Variants in TMEM131L observed in about 807,000 individuals in gnomAD.
TMEM131L encodes the protein transmembrane 131 like, also known as transmembrane protein 131-like.
A neutral mutation model predicts 192.2 loss-of-function variants in TMEM131L; 54 were observed. The observed-to-expected ratio is 0.28, with a 90% confidence interval of 0.23 to 0.35. The LOEUF (loss-of-function observed/expected upper bound fraction) is 0.35. Among genes scored for constraint, TMEM131L ranks in the 10% least tolerant of loss-of-function variants. The pLI is 1.00. For missense variants in TMEM131L, 1,888 were observed against 1,972.9 expected (o/e 0.96, Z 0.82); for synonymous variants, 701 against 704.9 (o/e 0.99, Z 0.09).
intron 20 of TMEM131L, among the ~76,000 whole-genome samples, chr4:153,598,007 C>T (rs1163126098): frequency 6.6e-6 from 1 of 151,932 alleles, no homozygotes; most frequent in Non-Finnish European, 1.5e-5. Context: ...AATGAAAAGA[C>T]ACATGCTAGT....
intron 4 of TMEM131L, among the ~76,000 whole-genome samples, chr4:153,550,432 T>C (rs1248463305): frequency 2.0e-5 from 3 of 152,230 alleles, no homozygotes; most frequent in Non-Finnish European, 2.9e-5. Flanking sequence ...GTTTACGCCA[T>C]TCTCCTACCT....
intron 30 of TMEM131L, 44 bp downstream of exon 30, chr4:153,626,269 T>C (rs1401975042): frequency 1.4e-5 from 17 of 1,187,570 alleles, no homozygotes; most frequent in East Asian, 7.0e-5. Context: ...TTTTGTGTAC[T>C]GCTTTTTCTA....
intron 3 of TMEM131L, among the ~76,000 whole-genome samples, chr4:153,479,505 C>T (rs1003114514): frequency 2.0e-5 from 3 of 152,144 alleles, no homozygotes; most frequent in African/African-American, 4.8e-5. Context: ...ATATCTCTCT[C>T]TGGTAAGCCT....
In TMEM131L at chr4:153,604,187, AAC is replaced by A; in HGVS notation, c.3180_3181del (p.Leu1061GlufsTer8). ...CAAAAACTTACTGAATAAAGAAGAA[AAC>A]ACACTGAAAAACACAATTGTTTTCA... ...LPKNLLNKEE[N>X]TLKNTIVFSN... On this transcript the variant is annotated frameshift_variant, in exon 25 of 35. Transcript: ENST00000409959. LOFTEE classifies it high-confidence loss of function. 6.2e-7 allele frequency: 1 copy of A among 1,614,204 alleles called. No individual in the cohort carries two copies. Among genetic ancestry groups the A allele is most frequent in the Non-Finnish European group, 8.5e-7 (1 of 1,180,030 alleles).
intron 3 of TMEM131L, among the ~76,000 whole-genome samples, chr4:153,480,739 T>G (rs1731882997): frequency 6.6e-6 from 1 of 152,186 alleles, no homozygotes; most frequent in Non-Finnish European, 1.5e-5. Context: ...GTTGCTCTGT[T>G]GGCTTTTTAT....
intron 2 of TMEM131L, among the ~76,000 whole-genome samples, chr4:153,470,195 G>T (rs189485188): frequency 6.6e-6 from 1 of 152,140 alleles, no homozygotes; most frequent in Admixed American, 6.5e-5. Flanking sequence ...TCACCTGTTT[G>T]TCCTGTTTTC....
In TMEM131L at chr4:153,623,248, C is replaced by T. The variant is rs116761452; in HGVS notation, c.4045+165C>T. ...TACTCACTTTCTTTTTCTTTCCTCC[C>T]TCCCCCTTCCCCTCCATCCTTGTCA... On this transcript the variant is annotated intron_variant, in intron 29 of 34. Coordinates refer to ENST00000409959, the MANE Select transcript of TMEM131L (RefSeq NM_001131007.2). 7.1e-3 allele frequency among the ~76,000 whole-genome samples: 1,082 copies of T among 152,266 alleles called. 8 individuals are homozygous for T. The highest frequency in any genetic ancestry group is 0.025 in the African/African-American group (1,028 of 41,532).
chr4:153,489,433 C>T (rs556734954), intron 3 of TMEM131L, among the ~76,000 whole-genome samples: 3 of 152,256 alleles, frequency 2.0e-5, no homozygotes, highest in Admixed American at 1.3e-4. Flanking sequence ...TGTAGGAGCA[C>T]GTCCAAGGAA....
intron 9 of TMEM131L, among the ~76,000 whole-genome samples, chr4:153,582,430 G>GTTTTTTTTTTTTTTTTTTTTTTTTTTT (rs1561212531): frequency 2.6e-5 from 1 of 38,534 alleles, no homozygotes. Context: ...GTTTTTTTTT[G>GTTTTTTTTTTTTTTTTTTTTTTTTTTT]TTGTTTTTTT....
chr4:153,532,474 C>A (rs998399236), intron 3 of TMEM131L, among the ~76,000 whole-genome samples: 2 of 150,968 alleles, frequency 1.3e-5, no homozygotes, highest in African/African-American at 4.9e-5. Flanking sequence ...TATTGAGATA[C>A]AATTCACATG....
At chr4:153,484,156 T>TA (rs1231509259) in intron 3 of TMEM131L, among the ~76,000 whole-genome samples, 7 of 152,168 alleles carry the variant, frequency 4.6e-5, no homozygotes, top group Admixed American at 2.6e-4. Flanking sequence ...ACCAGAGTAT[T>TA]AGTTTGTTGT....
intron 2 of TMEM131L, 138 bp from the exon 3 acceptor site, chr4:153,473,707 G>A (rs555479578): frequency 1.5e-5 from 9 of 595,884 alleles, no homozygotes; most frequent in African/African-American, 1.4e-4. Context: ...CAGGAGAATT[G>A]CTTGAACCCA....
At chr4:153,531,800 C>G (rs2117429) in intron 3 of TMEM131L, among the ~76,000 whole-genome samples, 38,713 of 152,046 alleles carry the variant, frequency 0.25, 5,038 homozygotes, top group Middle Eastern at 0.32. Flanking sequence ...TAATTTTGTA[C>G]TGTTAGAGTT....
rs775046238 is a variant in TMEM131L, at chr4:153,466,527, C to A, written c.124+6C>A. On this transcript the variant is annotated splice_donor_region_variant and intron_variant, in intron 1 of 34. Transcript: ENST00000409959. ...GGGAGGGGCTCAGGGACAAGGTCAGCCTTGCGCCGCTGGGCTCGCTCTGCC... is the reference window on the plus strand; with the variant it reads ...GGGAGGGGCTCAGGGACAAGGTCAGACTTGCGCCGCTGGGCTCGCTCTGCC... 2 of 1,342,978 alleles carry A rather than the reference C, an allele frequency of 1.5e-6. No individual in the cohort carries two copies. The highest frequency in any genetic ancestry group is 3.7e-5 in the South Asian group (2 of 53,790). 83.2% of individuals were successfully genotyped at this position (1,342,978 alleles called of 1,614,324 possible).
chr4:153,630,014 A>G (rs1239719669), intron 31 of TMEM131L, among the ~76,000 whole-genome samples: 1 of 152,152 alleles, frequency 6.6e-6, no homozygotes, highest in East Asian at 1.9e-4. Context: ...CCCCAAAGGG[A>G]GACACTCTTC....
At chr4:153,501,027 A>G (rs954547196) in intron 3 of TMEM131L, among the ~76,000 whole-genome samples, 3 of 152,204 alleles carry the variant, frequency 2.0e-5, no homozygotes, top group African/African-American at 7.2e-5. Context: ...CTGATAGAAT[A>G]TGGTAACTGA....
At chr4:153,579,382 ATAT>A (rs1187138944) in intron 7 of TMEM131L, among the ~76,000 whole-genome samples, 1 of 152,226 alleles carries the variant, frequency 6.6e-6, no homozygotes, top group Non-Finnish European at 1.5e-5. Context: ...TTTACAAATC[ATAT>A]TATTCTATTT....
chr4:153,470,930 A>G (rs1731111467), intron 2 of TMEM131L, among the ~76,000 whole-genome samples: 1 of 151,294 alleles, frequency 6.6e-6, no homozygotes, highest in Admixed American at 6.6e-5. Context: ...CTGCAGTGGC[A>G]TTGTCATCGT....
chr4:153,536,806 A>G (rs550500768), intron 3 of TMEM131L, among the ~76,000 whole-genome samples: 6 of 151,336 alleles, frequency 4.0e-5, no homozygotes, highest in Non-Finnish European at 7.4e-5. Flanking sequence ...ACAAGGTCCA[A>G]TAGGTTGTCT....
Sources: gnomAD v4.1 joint callset for allele counts (sites outside exome capture counted in the v4.1 genomes callset) on GRCh38, gnomAD v4.1.1 for gene constraint, MANE v1.5 for transcripts, NCBI Gene and HGNC (gene_info 2026-07-23, HGNC 2026-07-21) for gene names.